The following PLCB1 variants were observed in gnomAD, a reference collection of about 807,000 sequenced individuals.
The protein encoded by PLCB1 is 1-phosphatidylinositol 4,5-bisphosphate phosphodiesterase beta-1.
Under a neutral mutation model 161.8 loss-of-function variants are expected in PLCB1, and 46 were observed. The observed-to-expected ratio is 0.28, with a 90% CI of 0.22 to 0.36. PLCB1 has a LOEUF of 0.36. Among genes scored for constraint, PLCB1 ranks in the 10% least tolerant of loss-of-function variants. The probability of loss-of-function intolerance (pLI) is 1.00; values close to 1 mark genes in which losing one functional copy is unlikely to be tolerated. For synonymous variants in PLCB1, 517 were observed against 503.7 expected, an observed-to-expected ratio of 1.03 and a Z score of -0.35; for missense variants, 1,016 against 1,472.5, an observed-to-expected ratio of 0.69 and a Z score of 5.07.
At chr20:8,544,911 G>C (rs917290610) in intron 3 of PLCB1, among the ~76,000 whole-genome samples, 1 of 152,164 alleles carries the variant, frequency 6.6e-6, no homozygotes, top group African/African-American at 2.4e-5. Flanking sequence ...GAAAGTCACA[G>C]ATTTGATATC....
intron 4 of PLCB1, among the ~76,000 whole-genome samples, chr20:8,633,068 G>A (rs1480916466): frequency 6.7e-6 from 1 of 149,400 alleles, no homozygotes; most frequent in African/African-American, 2.5e-5. Context: ...GGAATGTGGA[G>A]GAAATAAAAA....
chr20:8,617,874 G>A (rs980054405), intron 3 of PLCB1, among the ~76,000 whole-genome samples: 3 of 152,006 alleles, frequency 2.0e-5, no homozygotes, highest in Admixed American at 6.6e-5. Flanking sequence ...ATCATATACT[G>A]CTATTTTTTA....
intron 31 of PLCB1, among the ~76,000 whole-genome samples, chr20:8,877,853 C>T (rs1987834787): frequency 6.6e-6 from 1 of 152,146 alleles, no homozygotes; most frequent in Non-Finnish European, 1.5e-5. Context: ...CTTAATATGT[C>T]ATGAAGCAGT....
At chr20:8,533,946 A>G (rs896659298) in intron 3 of PLCB1, among the ~76,000 whole-genome samples, 1 of 152,144 alleles carries the variant, frequency 6.6e-6, no homozygotes, top group Admixed American at 6.5e-5. Context: ...GCCCATGCCT[A>G]TGTCCTGAAT....
At chr20:8,710,688 A>AT (rs1317308312) in intron 12 of PLCB1, among the ~76,000 whole-genome samples, 1 of 151,490 alleles carries the variant, frequency 6.6e-6, no homozygotes, top group African/African-American at 2.4e-5. Flanking sequence ...CTAATTTTGT[A>AT]TTTTTAGTAG....
intron 31 of PLCB1, among the ~76,000 whole-genome samples, chr20:8,868,122 C>T (rs558333043): frequency 4.0e-5 from 6 of 151,660 alleles, no homozygotes; most frequent in Non-Finnish European, 8.8e-5. Context: ...TTATGGTATC[C>T]GATTCTTTAC....
At chr20:8,302,132 C>T (rs564018941) in intron 2 of PLCB1, among the ~76,000 whole-genome samples, 3 of 152,168 alleles carry the variant, frequency 2.0e-5, no homozygotes, top group Admixed American at 6.5e-5. Flanking sequence ...GACTCTCATT[C>T]GTTGAGAATT....
intron 4 of PLCB1, among the ~76,000 whole-genome samples, chr20:8,644,107 C>A (rs1156644906): frequency 6.6e-6 from 1 of 152,198 alleles, no homozygotes; most frequent in African/African-American, 2.4e-5. Flanking sequence ...CTCAATGGTG[C>A]CCAGGCTGGA....
intron 3 of PLCB1, among the ~76,000 whole-genome samples, chr20:8,374,446 G>A (rs924105687): frequency 3.3e-5 from 5 of 152,086 alleles, no homozygotes; most frequent in African/African-American, 9.7e-5. Context: ...GACTATTACC[G>A]GGTCCTTTTC....
At chr20:8,446,641 T>C (rs1197561018) in intron 3 of PLCB1, among the ~76,000 whole-genome samples, 1 of 152,130 alleles carries the variant, frequency 6.6e-6, no homozygotes, top group Non-Finnish European at 1.5e-5. Flanking sequence ...AGATGACAAT[T>C]GTATATTTCG....
chr20:8,254,503 T>C (rs1050781207), intron 2 of PLCB1, among the ~76,000 whole-genome samples: 5 of 151,914 alleles, frequency 3.3e-5, no homozygotes, highest in Admixed American at 2.6e-4. Context: ...ACTGGTAACA[T>C]GAGTGACTTT....
intron 26 of PLCB1, among the ~76,000 whole-genome samples, chr20:8,769,141 C>T (rs897934659): frequency 1.3e-4 from 20 of 152,066 alleles, no homozygotes; most frequent in African/African-American, 4.6e-4. Flanking sequence ...TCTTGTCTTC[C>T]TCAGGGCTTA....
At chr20:8,247,928 G>GAGT (rs1980962044) in intron 2 of PLCB1, among the ~76,000 whole-genome samples, 1 of 151,954 alleles carries the variant, frequency 6.6e-6, no homozygotes, top group Admixed American at 6.6e-5. Context: ...GGTCTGGAAG[G>GAGT]AGTAAGTGCT....
At chr20:8,458,271 G>T in intron 3 of PLCB1, among the ~76,000 whole-genome samples, 1 of 152,138 alleles carries the variant, frequency 6.6e-6, no homozygotes, top group East Asian at 1.9e-4. Context: ...TGCAGAGGTG[G>T]TGCTCAGAAT....
chr20:8,351,081 CAT>C lies in PLCB1; in HGVS notation c.178-20298_178-20297del, dbSNP rs1308924125. ...AATGGAAGAATAAAGTTAGAGAACT[CAT>C]ATGATTTAAGACTTACTATAAAGCT... On this transcript the variant is annotated intron_variant, in intron 2 of 31. Coordinates refer to ENST00000338037, the MANE Select transcript of PLCB1 (RefSeq NM_015192.4). 4.6e-5 allele frequency among the ~76,000 whole-genome samples: 7 copies of C among 151,990 alleles called. No individual in the cohort carries two copies. The East Asian group carries it at 1.2e-3, about 25-fold the overall frequency.
Position 8,216,854 on chromosome 20 carries a change from G to A in PLCB1, c.177+66483G>A, listed in dbSNP as rs79182136. Among the ~76,000 whole-genome samples, 531 of 152,254 alleles carry A rather than the reference G, an allele frequency of 3.5e-3. 16 individuals carry two copies. The South Asian group carries it at 0.063, about 18-fold the overall frequency. On this transcript the variant is annotated intron_variant, in intron 2 of 31. Transcript: ENST00000338037. The stretch of plus-strand genomic sequence containing the variant: ...TGGAGCTCTAAGTCTATTCATTATA[G>A]AGCATTCAGAACCCTGGGCAAACCA...
At chr20:8,791,465 A>T (rs1983755287) in intron 31 of PLCB1, among the ~76,000 whole-genome samples, 1 of 152,232 alleles carries the variant, frequency 6.6e-6, no homozygotes, top group Non-Finnish European at 1.5e-5. Context: ...CACTTTAATA[A>T]TAATCAGTCT....
intron 26 of PLCB1, among the ~76,000 whole-genome samples, chr20:8,768,998 C>T (rs1345568980): frequency 6.8e-6 from 1 of 146,384 alleles, no homozygotes; most frequent in East Asian, 2.0e-4. Context: ...TAATGTTTTG[C>T]AACATGAAGT....
chr20:8,813,157 C>G (rs1396290732), intron 31 of PLCB1, among the ~76,000 whole-genome samples: 1 of 152,196 alleles, frequency 6.6e-6, no homozygotes, highest in Non-Finnish European at 1.5e-5. Flanking sequence ...CAAACAGTCT[C>G]ATGAACATTA....
Sources: allele counts gnomAD v4.1 joint callset (sites outside exome capture counted in the v4.1 genomes callset), GRCh38; gene constraint gnomAD v4.1.1; transcripts MANE v1.5; gene names NCBI Gene and HGNC (gene_info 2026-07-23, HGNC 2026-07-21).